Variants in DYM observed in about 807,000 individuals in gnomAD.
DYM encodes the protein dymeclin.
Under a neutral mutation model 93.1 loss-of-function variants are expected in DYM, and 78 were observed. The ratio of observed to expected loss-of-function variants is 0.84; its 90% CI spans 0.70 to 1.01. DYM has a LOEUF of 1.01. DYM is among the 50% of genes least tolerant of loss of function. DYM has a pLI of 0.00. For missense variants in DYM, 789 were observed against 845.0 expected, an observed-to-expected ratio of 0.93 and a Z score of 0.82; for synonymous variants, 321 against 319.7, an observed-to-expected ratio of 1.00 and a Z score of -0.04.
At chr18:49,392,537 CCAA>C (rs2147904351) in intron 2 of DYM, among the ~76,000 whole-genome samples, 1 of 151,958 alleles carries the variant, frequency 6.6e-6, no homozygotes, top group African/African-American at 2.4e-5. Flanking sequence ...TTAAAATGGA[CCAA>C]CGACTTAAAT....
chr18:49,100,520 G>C (rs953763980), intron 16 of DYM, among the ~76,000 whole-genome samples: 1 of 152,116 alleles, frequency 6.6e-6, no homozygotes, highest in African/African-American at 2.4e-5. Flanking sequence ...GCATGAAGCT[G>C]GGTTTCCAAC....
intron 17 of DYM, among the ~76,000 whole-genome samples, chr18:49,080,666 G>A (rs1195624978): frequency 6.7e-6 from 1 of 149,840 alleles, no homozygotes; most frequent in Non-Finnish European, 1.5e-5. Flanking sequence ...CCTCCCGGAC[G>A]GGGCGGCTGC....
intron 13 of DYM, among the ~76,000 whole-genome samples, chr18:49,242,467 T>C (rs2144737791): frequency 6.6e-6 from 1 of 152,282 alleles, no homozygotes; most frequent in Non-Finnish European, 1.5e-5. Context: ...TTCAACCATC[T>C]TATAACTGTA....
chr18:49,175,764 C>G (rs946256425), intron 14 of DYM, among the ~76,000 whole-genome samples: 1 of 152,140 alleles, frequency 6.6e-6, no homozygotes, highest in African/African-American at 2.4e-5. Flanking sequence ...CTAGTAGAAC[C>G]TACTGCTCCA....
intron 2 of DYM, among the ~76,000 whole-genome samples, chr18:49,423,996 G>T (rs1411755322): frequency 6.6e-6 from 1 of 152,110 alleles, no homozygotes; most frequent in East Asian, 1.9e-4. Flanking sequence ...CATTCCTTCT[G>T]AAACTATTCC....
chr18:49,263,092 G>A (rs1268050172), intron 11 of DYM, among the ~76,000 whole-genome samples: 2 of 151,740 alleles, frequency 1.3e-5, no homozygotes, highest in Admixed American at 6.6e-5. Flanking sequence ...AATTTACTAG[G>A]AAGCAGAATT....
intron 8 of DYM, among the ~76,000 whole-genome samples, chr18:49,292,599 A>AACAAAACAAAAC (rs2060221704): frequency 1.6e-5 from 1 of 64,022 alleles, no homozygotes; most frequent in African/African-American, 8.7e-5. Context: ...TTGGAAAAAA[A>AACAAAACAAAAC]AAAAAAAAAA....
Position 49,273,671 on chromosome 18 carries a change from T to C in DYM, c.1126-1368A>G, listed in dbSNP as rs1053391368. ...GGCCTAGGAGCCATAGGCTACACCA[T>C]AAAGCTTAGGTGTGTAGTTAGGCTC... On this transcript the variant is annotated intron_variant, in intron 10 of 17. Transcript: ENST00000675505. Among the ~76,000 whole-genome samples, 6 of 152,276 alleles carry C rather than the reference T, an allele frequency of 3.9e-5. No homozygotes were observed. In the South Asian group the frequency reaches 1.0e-3, roughly 26 times the overall value.
intron 14 of DYM, among the ~76,000 whole-genome samples, chr18:49,194,762 T>C (rs2091294048): frequency 6.6e-6 from 1 of 152,172 alleles, no homozygotes; most frequent in Non-Finnish European, 1.5e-5. Context: ...ATTTTAAAAA[T>C]ATTTCCAGTT....
At chr18:49,374,317 G>A (rs1343607848) in intron 5 of DYM, among the ~76,000 whole-genome samples, 1 of 152,074 alleles carries the variant, frequency 6.6e-6, no homozygotes, top group Non-Finnish European at 1.5e-5. Flanking sequence ...ACAGTTATAT[G>A]GTAGTCAGAG....
rs546223748 is a variant in DYM, at chr18:49,231,256, G to A, written c.1461-21541C>T. ...ATGAAAGCTGATGTGAAATGGCAAC[G>A]TGTAAACAGATCAAAGCAGAGGGGA... On this transcript the variant is annotated intron_variant, in intron 13 of 17. Coordinates refer to ENST00000675505, the MANE Select transcript of DYM (RefSeq NM_001353214.3). Among the ~76,000 whole-genome samples the A allele has an allele frequency of 3.5e-4, 53 of 152,244 alleles. 1 individual carries two copies. The highest frequency in any genetic ancestry group is 1.2e-3 in the African/African-American group (50 of 41,546).
intron 11 of DYM, among the ~76,000 whole-genome samples, chr18:49,260,204 A>C (rs988321709): frequency 2.0e-5 from 3 of 152,176 alleles, no homozygotes; most frequent in African/African-American, 7.2e-5. Flanking sequence ...GCCTGGCCCA[A>C]TGATGACTCT....
intron 1 of DYM, among the ~76,000 whole-genome samples, chr18:49,459,921 G>GGC (rs951358663): frequency 8.2e-5 from 12 of 146,966 alleles, no homozygotes; most frequent in African/African-American, 2.7e-4. Context: ...TTTGGGGCGG[G>GGC]GGGGGCGGTG....
At chr18:49,207,463 A>G (rs1375522194) in intron 14 of DYM, among the ~76,000 whole-genome samples, 1 of 152,246 alleles carries the variant, frequency 6.6e-6, no homozygotes, top group East Asian at 1.9e-4. Flanking sequence ...TATTGTGCCC[A>G]GTTGTTGGGT....
chr18:49,045,209 G>A (rs1233704586), intron 17 of DYM, among the ~76,000 whole-genome samples: 1 of 152,158 alleles, frequency 6.6e-6, no homozygotes, highest in Non-Finnish European at 1.5e-5. Flanking sequence ...AGGAAGAGGG[G>A]GCTGAAAGAG....
chr18:49,460,498 C>G lies in DYM; in HGVS notation c.-154G>C, dbSNP rs547563112. 2 of 152,472 alleles carry G rather than the reference C, an allele frequency of 1.3e-5. No homozygotes were observed. The highest frequency in any genetic ancestry group is 4.8e-5 in the African/African-American group (2 of 41,426). 9.4% of individuals were successfully genotyped at this position (152,472 alleles called of 1,614,324 possible). A position where few individuals can be genotyped will look rare whatever the true frequency, so the allele number is the denominator to read the frequency against. On this transcript the variant is annotated 5_prime_UTR_variant, in exon 1 of 18. Coordinates refer to ENST00000675505, the MANE Select transcript of DYM (RefSeq NM_001353214.3). ...GAGAAGTCGCTGTCGCCGCCGCAGC[C>G]CAGGTGGCGCACACCGGCTCAGGCC... is the stretch of plus-strand genomic sequence containing the variant.
chr18:49,441,058 T>TATA (rs2081426384), intron 1 of DYM, among the ~76,000 whole-genome samples: 1 of 7,950 alleles, frequency 1.3e-4, no homozygotes, highest in Non-Finnish European at 2.5e-4. Flanking sequence ...AATATATTTA[T>TATA]ATATATTATA....
At chr18:49,118,347 T>C (rs1196567760) in intron 16 of DYM, among the ~76,000 whole-genome samples, 1 of 152,152 alleles carries the variant, frequency 6.6e-6, no homozygotes, top group East Asian at 1.9e-4. Context: ...TTTTCATTCA[T>C]TATGAATTGA....
chr18:49,255,658 G>A (rs2094378281), intron 13 of DYM, among the ~76,000 whole-genome samples: 1 of 147,396 alleles, frequency 6.8e-6, no homozygotes. Flanking sequence ...GGGTGACAGA[G>A]TGAGACTCTG....
Sources: gnomAD v4.1 joint callset for allele counts (sites outside exome capture counted in the v4.1 genomes callset) on GRCh38, gnomAD v4.1.1 for gene constraint, MANE v1.5 for transcripts, NCBI Gene and HGNC (gene_info 2026-07-23, HGNC 2026-07-21) for gene names.